Variants in AGBL1 observed in about 807,000 individuals in gnomAD.
AGBL1 encodes the protein AGBL carboxypeptidase 1.
A neutral mutation model predicts 118.9 loss-of-function variants in AGBL1; 130 were observed. That is an observed-to-expected ratio of 1.09 (90% CI 0.95 to 1.26). The LOEUF is 1.26. Among genes scored for constraint, AGBL1 ranks in the 50% most tolerant of loss-of-function variants. AGBL1 has a pLI of 0.00. For missense variants in AGBL1, 1,584 were observed against 1,298.1 expected (o/e 1.22, Z -3.38); for synonymous variants, 555 against 478.9 (o/e 1.16, Z -2.08).
chr15:86,988,611 T>C (rs2141736380), intron 24 of AGBL1, among the ~76,000 whole-genome samples: 1 of 152,324 alleles, frequency 6.6e-6, no homozygotes, highest in Non-Finnish European at 1.5e-5. Context: ...TTTATCACTT[T>C]CTCTTTGTAT....
At position 86,572,315 on chromosome 15, in the gene AGBL1, T is replaced by A. The variant is rs1395047356; in HGVS notation, c.2994+17778T>A. On this transcript the variant is annotated intron_variant, in intron 21 of 22. Coordinates refer to ENST00000614907, the MANE Select transcript of AGBL1 (RefSeq NM_001386094.1). ...TCAGAAGGGGCGAGGCTCTCACTTG[T>A]CCCTGGTTCCCGCTGGCTCCATGGA... 2.0e-5 allele frequency among the ~76,000 whole-genome samples: 3 copies of A among 152,256 alleles called. No homozygotes were observed. In the East Asian group the frequency reaches 5.8e-4, roughly 29 times the overall value.
intron 22 of AGBL1, among the ~76,000 whole-genome samples, chr15:86,829,638 CT>C (rs2079076712): frequency 6.6e-6 from 1 of 152,048 alleles, no homozygotes; most frequent in East Asian, 1.9e-4. Flanking sequence ...GGCTTCTGGG[CT>C]TTGAGGAATG....
At chr15:86,870,099 A>G (rs895842784) in intron 22 of AGBL1, among the ~76,000 whole-genome samples, 7 of 152,142 alleles carry the variant, frequency 4.6e-5, no homozygotes, top group African/African-American at 1.7e-4. Flanking sequence ...CACACAGATA[A>G]CCTTGATTAG....
chr15:86,352,622 C>T (rs1256971332), intron 17 of AGBL1, among the ~76,000 whole-genome samples: 2 of 152,042 alleles, frequency 1.3e-5, no homozygotes, highest in Admixed American at 6.6e-5. Flanking sequence ...GCTGGGATTA[C>T]AAGTGTGCAC....
At chr15:86,452,487 T>C (rs912283679) in intron 18 of AGBL1, among the ~76,000 whole-genome samples, 3 of 152,142 alleles carry the variant, frequency 2.0e-5, no homozygotes, top group African/African-American at 7.2e-5. Flanking sequence ...AACTCCTTCA[T>C]GGAAAAATTG....
intron 1 of AGBL1, among the ~76,000 whole-genome samples, chr15:86,106,173 A>T (rs2141519581): frequency 6.6e-6 from 1 of 152,326 alleles, no homozygotes; most frequent in East Asian, 1.9e-4. Flanking sequence ...AAGTGGTTGG[A>T]TATACAGATA....
chr15:86,419,989 A>G (rs1249187280), intron 18 of AGBL1, among the ~76,000 whole-genome samples: 2 of 152,144 alleles, frequency 1.3e-5, no homozygotes, highest in Non-Finnish European at 2.9e-5. Flanking sequence ...TAAAACTCCC[A>G]TCTCCCTGGG....
chr15:86,257,032 G>A lies in AGBL1; in HGVS notation c.901+14G>A, dbSNP rs764020090. ...ATCTACCTGAAGGTAAAATAAGTTGGTAACTATGACCTTTAAGATGAGTTT... is the reference window on the plus strand; with the variant it reads ...ATCTACCTGAAGGTAAAATAAGTTGATAACTATGACCTTTAAGATGAGTTT... On this transcript the variant is annotated intron_variant, in intron 8 of 22. Coordinates refer to ENST00000614907, the MANE Select transcript of AGBL1 (RefSeq NM_001386094.1). The A allele has an allele frequency of 4.3e-6, 7 of 1,611,332 alleles. No individual in the cohort carries two copies. In the East Asian group the frequency reaches 1.6e-4, roughly 36 times the overall value.
intron 23 of AGBL1, among the ~76,000 whole-genome samples, chr15:86,944,681 C>A (rs1298433403): frequency 1.3e-5 from 2 of 152,276 alleles, no homozygotes; most frequent in African/African-American, 4.8e-5. Context: ...TTAATGCCTT[C>A]ATTCATGAAA....
intron 17 of AGBL1, among the ~76,000 whole-genome samples, chr15:86,373,961 C>T (rs1372068363): frequency 6.6e-6 from 1 of 152,066 alleles, no homozygotes; most frequent in Non-Finnish European, 1.5e-5. Flanking sequence ...ATTCACTACC[C>T]CCTGCCCTAG....
chr15:86,336,401 A>C (rs1020120335), intron 17 of AGBL1, among the ~76,000 whole-genome samples: 2 of 152,236 alleles, frequency 1.3e-5, no homozygotes, highest in African/African-American at 4.8e-5. Flanking sequence ...GCAGAATATA[A>C]ACTTATTATG....
At chr15:86,505,216 C>T (rs780902475) in intron 18 of AGBL1, among the ~76,000 whole-genome samples, 1 of 151,830 alleles carries the variant, frequency 6.6e-6, no homozygotes, top group Non-Finnish European at 1.5e-5. Flanking sequence ...TTGGTTATTA[C>T]ATGTCTAGGT....
chr15:86,988,906 C>T lies in AGBL1; in HGVS notation c.3323+818C>T, dbSNP rs555654912. Among the ~76,000 whole-genome samples, 34 of 150,948 alleles carry T rather than the reference C, an allele frequency of 2.3e-4. No individual in the cohort carries two copies. In the South Asian group the frequency reaches 7.1e-3, roughly 32 times the overall value. On this transcript the variant is annotated intron_variant, in intron 24 of 24. Transcript: ENST00000441037. ...ACAAGTATTTATTCATTTTATTTTT[C>T]TTACTTGAATGGCTAGGACTTTGAA...
At position 86,548,303 on chromosome 15, in the gene AGBL1, C is replaced by T. The variant is rs768907677; in HGVS notation, c.2817+2170C>T. On this transcript the variant is annotated intron_variant, in intron 20 of 22. Coordinates refer to ENST00000614907, the MANE Select transcript of AGBL1 (RefSeq NM_001386094.1). ...TCATTTACCATTAGTATTGAAGAGACGATTATACACCCTGTTATATTTCAC... is the reference window on the plus strand; with the variant it reads ...TCATTTACCATTAGTATTGAAGAGATGATTATACACCCTGTTATATTTCAC... Among the ~76,000 whole-genome samples, 46 of 152,186 alleles carry T rather than the reference C, an allele frequency of 3.0e-4. 1 individual carries two copies. The East Asian group carries it at 3.3e-3, about 11-fold the overall frequency.
Position 86,314,446 on chromosome 15 carries a change from T to A in AGBL1, c.2374+19038T>A, listed in dbSNP as rs141329132. Among the ~76,000 whole-genome samples, 629 of 152,288 alleles carry A rather than the reference T, an allele frequency of 4.1e-3. 7 individuals carry two copies. Among genetic ancestry groups the A allele is most frequent in the African/African-American group, 0.014 (588 of 41,568 alleles). On this transcript the variant is annotated intron_variant, in intron 17 of 22. Coordinates refer to ENST00000614907, the MANE Select transcript of AGBL1 (RefSeq NM_001386094.1). The stretch of plus-strand genomic sequence containing the variant: ...TGGTGTCCCCATGGCCAGCCTGGTT[T>A]TGGCAGCACAGTGAATTCTTGCTTG...
intron 21 of AGBL1, among the ~76,000 whole-genome samples, chr15:86,655,814 A>G (rs1006907550): frequency 6.6e-6 from 1 of 152,192 alleles, no homozygotes; most frequent in Non-Finnish European, 1.5e-5. Flanking sequence ...GAGGTGGAGT[A>G]GGGATAAACA....
At chr15:86,553,834 T>C (rs1337351946) in intron 20 of AGBL1, among the ~76,000 whole-genome samples, 1 of 151,698 alleles carries the variant, frequency 6.6e-6, no homozygotes, top group African/African-American at 2.4e-5. Context: ...AGCAACTTTA[T>C]GGTTTTCTGG....
At chr15:86,153,709 T>C (rs920556919) in intron 3 of AGBL1, among the ~76,000 whole-genome samples, 1 of 152,178 alleles carries the variant, frequency 6.6e-6, no homozygotes, top group Non-Finnish European at 1.5e-5. Context: ...CTTAACAATG[T>C]CTTTTGACTT....
intron 19 of AGBL1, among the ~76,000 whole-genome samples, chr15:86,535,572 C>T (rs915735626): frequency 6.6e-6 from 1 of 152,234 alleles, no homozygotes; most frequent in African/African-American, 2.4e-5. Flanking sequence ...TTTCAGTCCT[C>T]TTTGAAGAGC....
Sources: gnomAD v4.1 joint callset for allele counts (sites outside exome capture counted in the v4.1 genomes callset) on GRCh38, gnomAD v4.1.1 for gene constraint, MANE v1.5 for transcripts, NCBI Gene and HGNC (gene_info 2026-07-23, HGNC 2026-07-21) for gene names.